ZNF705G: variants seen among roughly 807,000 people sequenced by gnomAD.
ZNF705G encodes the protein zinc finger protein 705G, also known as putative zinc finger protein 705G.
A neutral mutation model predicts 19.6 loss-of-function variants in ZNF705G; 23 were observed. The ratio of observed to expected loss-of-function variants is 1.17; its 90% CI spans 0.84 to 1.66. The LOEUF (loss-of-function observed/expected upper bound fraction) is 1.66. ZNF705G is among the 40% of genes most tolerant of loss of function. The pLI, the probability that ZNF705G is intolerant of heterozygous loss-of-function variation, is 0.00. For synonymous variants in ZNF705G, 146 were observed against 117.7 expected (o/e 1.24, Z -1.56); for missense variants, 457 against 354.4 (o/e 1.29, Z -2.32).
chr8:7,369,656 A>G (rs1456189218), intron 2 of ZNF705G, among the ~76,000 whole-genome samples: 1 of 149,814 alleles, frequency 6.7e-6, no homozygotes, highest in Non-Finnish European at 1.5e-5. Flanking sequence ...CTAGATGCCC[A>G]TCAATGTTAC....
intron 3 of ZNF705G, among the ~76,000 whole-genome samples, chr8:7,362,368 T>C (rs2128837406): frequency 6.7e-6 from 1 of 149,850 alleles, no homozygotes; most frequent in East Asian, 1.9e-4. Flanking sequence ...TCAAATACAT[T>C]TTATCAAACT....
intron 4 of ZNF705G, 139 bp downstream of exon 4, chr8:7,360,971 G>T (rs1806557430): frequency 6.6e-7 from 1 of 1,510,872 alleles, no homozygotes; most frequent in Admixed American, 1.8e-5. Flanking sequence ...GATTTAGAGA[G>T]TTCAAACCTT....
At chr8:7,384,934 T>A (rs1807663124) in intron 1 of ZNF705G, among the ~76,000 whole-genome samples, 2 of 146,268 alleles carry the variant, frequency 1.4e-5, no homozygotes, top group Admixed American at 6.6e-5. Flanking sequence ...TCAATGCAGG[T>A]TATACAACTA....
Position 7,375,285 on chromosome 8 carries a change from C to G in ZNF705G, c.-72+6167G>C, listed in dbSNP as rs1314951068. On this transcript the variant is annotated intron_variant, in intron 2 of 6. Coordinates refer to ENST00000400156, the MANE Select transcript of ZNF705G (RefSeq NM_001164457.3). ...ATAACTGAGAATATGTGGTATTTGTCTTCCTGTTCTTGAGCTAATTTGCTT... is the reference window on the plus strand; with the variant it reads ...ATAACTGAGAATATGTGGTATTTGTGTTCCTGTTCTTGAGCTAATTTGCTT... Among the ~76,000 whole-genome samples the G allele has an allele frequency of 6.5e-5, 6 of 92,924 alleles. 2 individuals are homozygous for G. The highest frequency in any genetic ancestry group is 1.3e-4 in the Non-Finnish European group (6 of 47,734). The allele number at this position is 92,924 out of a possible 152,430, so 61.0% of individuals were successfully genotyped here. A position where few individuals can be genotyped will look rare whatever the true frequency, so the allele number is the denominator to read the frequency against.
rs1401100012 is a variant in ZNF705G at position 7,358,660 on chromosome 8, C to A, written c.319-100G>T. ...CCTAGACCAACCATTCAGTGGTAGACCCCAGTTGAAAGCTTTCCAATGTTT... is the reference window on the plus strand; with the variant it reads ...CCTAGACCAACCATTCAGTGGTAGAACCCAGTTGAAAGCTTTCCAATGTTT... On this transcript the variant is annotated intron_variant, in intron 6 of 6. Transcript: ENST00000400156. 1.4e-5 allele frequency: 21 copies of A among 1,536,362 alleles called. 1 individual carries two copies. In the East Asian group the frequency reaches 4.1e-4, roughly 30 times the overall value.
chr8:7,385,420 C>T (rs1267475793), intron 1 of ZNF705G, 78 bp downstream of exon 1: 2 of 148,988 alleles, frequency 1.3e-5, no homozygotes, highest in African/African-American at 5.2e-5. Context: ...CTGTCTCCTA[C>T]ACTTACACCC....
Position 7,363,754 on chromosome 8 carries a change from G to A in ZNF705G, c.-71-737C>T, listed in dbSNP as rs576550387. On this transcript the variant is annotated intron_variant, in intron 2 of 6. Coordinates refer to ENST00000400156, the MANE Select transcript of ZNF705G (RefSeq NM_001164457.3). ...GAGAATCTCTTGAACCCAGGAGGCA[G>A]AGATTACAGTGAGCCGAGATCCCAC... Among the ~76,000 whole-genome samples, 3 of 149,398 alleles carry A rather than the reference G, an allele frequency of 2.0e-5. No individual in the cohort carries two copies. In the East Asian group the frequency reaches 5.8e-4, roughly 29 times the overall value.
intron 2 of ZNF705G, among the ~76,000 whole-genome samples, chr8:7,366,464 A>G (rs1337076230): frequency 6.7e-6 from 1 of 149,744 alleles, no homozygotes; most frequent in Non-Finnish European, 1.5e-5. Flanking sequence ...TAGATACAAT[A>G]AAATAAAATT....
chr8:7,383,314 C>A (rs1376143936), intron 1 of ZNF705G, among the ~76,000 whole-genome samples: 1 of 147,208 alleles, frequency 6.8e-6, no homozygotes, highest in Non-Finnish European at 1.5e-5. Flanking sequence ...CGGTAAAACA[C>A]TGAAATTCCT....
chr8:7,366,100 G>C (rs1485529239), intron 2 of ZNF705G, among the ~76,000 whole-genome samples: 1 of 149,174 alleles, frequency 6.7e-6, no homozygotes, highest in Admixed American at 6.6e-5. Context: ...AAAGAGAATA[G>C]ATTTTTTTAA....
intron 1 of ZNF705G, among the ~76,000 whole-genome samples, chr8:7,383,028 T>C (rs1431428179): frequency 1.3e-5 from 2 of 148,544 alleles, no homozygotes; most frequent in Non-Finnish European, 2.9e-5. Flanking sequence ...TGAGAGCACT[T>C]GGTTTTTTGG....
At position 7,361,925 on chromosome 8, in the gene ZNF705G, T is replaced by C. The variant is rs564686572; in HGVS notation, c.13-689A>G. On this transcript the variant is annotated intron_variant, in intron 3 of 6. Coordinates refer to ENST00000400156, the MANE Select transcript of ZNF705G (RefSeq NM_001164457.3). ...TAATGTTATATAATTCAGGTATTCA[T>C]GACAAGGCTTAAAGACAGTCTAGCA... is the stretch of plus-strand genomic sequence containing the variant. Among the ~76,000 whole-genome samples, 406 of 149,710 alleles carry C rather than the reference T, an allele frequency of 2.7e-3. 41 individuals carry two copies. Among genetic ancestry groups the C allele is most frequent in the African/African-American group, 1.0e-2 (391 of 39,112 alleles).
intron 2 of ZNF705G, among the ~76,000 whole-genome samples, chr8:7,380,006 T>C (rs1404880981): frequency 7.1e-6 from 1 of 141,742 alleles, no homozygotes; most frequent in Admixed American, 6.7e-5. Flanking sequence ...CCAGCTGAAC[T>C]CACCAGTGTA....
chr8:7,384,584 G>A (rs1340078333), intron 1 of ZNF705G, among the ~76,000 whole-genome samples: 4 of 145,844 alleles, frequency 2.7e-5, no homozygotes, highest in African/African-American at 1.1e-4. Flanking sequence ...CATAAAGCCT[G>A]GAATGTCTCA....
intron 2 of ZNF705G, among the ~76,000 whole-genome samples, chr8:7,369,134 C>G (rs1489348536): frequency 3.3e-5 from 5 of 149,436 alleles, no homozygotes; most frequent in Non-Finnish European, 5.9e-5. Flanking sequence ...ACCACGAGAA[C>G]AGCATGGGAG....
rs765259800 is a variant in ZNF705G, at chr8:7,358,266, A to G, written c.613T>C (p.Cys205Arg). The G allele has an allele frequency of 8.7e-6, 14 of 1,607,656 alleles. No individual in the cohort carries two copies. In the East Asian group the frequency reaches 8.9e-5, roughly 10 times the overall value. ...TGERPYACHL[C>R]RKAFTQCSHL... ...GAACACTGAGTGAAGGCTTTTCTAC[A>G]TAGATGACATGCATATGGCCTCTCT... The change falls in exon 7 of 7, where the codon TGT (cysteine) becomes CGT (arginine). Residue 205 changes from cysteine to arginine, a missense_variant. Coordinates refer to ENST00000400156, the MANE Select transcript of ZNF705G (RefSeq NM_001164457.3).
rs575803348 is a variant in ZNF705G at position 7,361,817 on chromosome 8, G to A, written c.13-581C>T. Among the ~76,000 whole-genome samples the A allele has an allele frequency of 8.7e-5, 13 of 149,706 alleles. No homozygotes were observed. In the East Asian group the frequency reaches 1.9e-3, roughly 22 times the overall value. ...CCCTTATTCATTAAAAAGTTAGAAA[G>A]TAATGACCCAGACTCCAGCATTCTT... is the stretch of plus-strand genomic sequence containing the variant. On this transcript the variant is annotated intron_variant, in intron 3 of 6. Transcript: ENST00000400156.
intron 2 of ZNF705G, among the ~76,000 whole-genome samples, chr8:7,370,909 T>C (rs1427875453): frequency 8.2e-6 from 1 of 121,420 alleles, no homozygotes; most frequent in Non-Finnish European, 1.7e-5. Flanking sequence ...TCATGTTCTT[T>C]GCAGGAACAT....
In ZNF705G at chr8:7,356,571, G is replaced by A. The variant is rs1563286005; in HGVS notation, c.*1405C>T. ...ACACACTGAGAAATCTAGCAAGTGG[G>A]GCTGAAGATCCCTGGTGTGTCAACT... On this transcript the variant is annotated 3_prime_UTR_variant, in exon 7 of 7. Transcript: ENST00000400156. The A allele has an allele frequency of 6.7e-6, 1 of 149,594 alleles. No homozygotes were observed. The highest frequency in any genetic ancestry group is 1.5e-5 in the Non-Finnish European group (1 of 68,012). 9.3% of individuals were successfully genotyped at this position (149,594 alleles called of 1,614,324 possible).
Sources: allele counts gnomAD v4.1 joint callset (sites outside exome capture counted in the v4.1 genomes callset), GRCh38; gene constraint gnomAD v4.1.1; transcripts MANE v1.5; gene names NCBI Gene and HGNC (gene_info 2026-07-23, HGNC 2026-07-21).